The following STK32C variants were observed in gnomAD, a reference collection of about 807,000 sequenced individuals.
STK32C encodes serine/threonine-protein kinase 32C.
Under a neutral mutation model 56.5 loss-of-function variants are expected in STK32C, and 31 were observed. That is an observed-to-expected ratio of 0.55 (90% CI 0.41 to 0.74). The LOEUF is 0.74. Ranked by LOEUF, STK32C falls within the 30% of genes least tolerant of loss-of-function variation. The pLI, the probability that STK32C is intolerant of heterozygous loss-of-function variation, is 0.00. For synonymous variants in STK32C, 309 were observed against 289.4 expected (o/e 1.07, Z -0.69); for missense variants, 544 against 676.9 (o/e 0.80, Z 2.18).
intron 1 of STK32C, among the ~76,000 whole-genome samples, chr10:132,282,397 C>A (rs1216113115): frequency 6.6e-6 from 1 of 152,190 alleles, no homozygotes; most frequent in Non-Finnish European, 1.5e-5. Context: ...ATGAAGAGGG[C>A]AGTGCCAGGC....
intron 1 of STK32C, 123 bp from the exon 2 acceptor site, chr10:132,246,078 C>A: frequency 2.0e-6 from 2 of 977,286 alleles, no homozygotes; most frequent in South Asian, 1.4e-5. Context: ...AGAAGAGGGT[C>A]GCCGTGGGGC....
intron 2 of STK32C, among the ~76,000 whole-genome samples, chr10:132,230,989 C>T (rs754374209): frequency 3.3e-5 from 5 of 152,206 alleles, no homozygotes; most frequent in Admixed American, 1.3e-4. Context: ...GTCACATGTG[C>T]GGCGGACACA....
rs374412554 is a variant in STK32C at position 132,331,597 on chromosome 10, G to A, written c.140C>T (p.Pro47Leu). The stretch of plus-strand genomic sequence containing the variant: ...TCCAGGAAGCCCCAGGAGAGACGCG[G>A]GGAGTGAGCCCAGCGGGAAGGACAG... Residue 47 changes from proline to leucine, a missense_variant, in exon 1 of 2, where the codon CCC becomes CTC. Coordinates refer to the STK32C transcript ENST00000368619. 6.9e-5 allele frequency: 112 copies of A among 1,612,932 alleles called. 1 individual carries two copies. In the African/African-American group the frequency reaches 1.2e-3, roughly 17 times the overall value.
chr10:132,310,903 C>T (rs1052474188), upstream of STK32C, among the ~76,000 whole-genome samples: 3 of 152,072 alleles, frequency 2.0e-5, no homozygotes, highest in Non-Finnish European at 2.9e-5. The surrounding 1 kb of genome is among the most constrained non-coding windows in gnomAD (Gnocchi z 4.6). Context: ...GCCAGGTGTC[C>T]GGGTTCCAAC....
intron 1 of STK32C, among the ~76,000 whole-genome samples, chr10:132,317,165 A>G (rs558252711): frequency 4.6e-5 from 7 of 152,332 alleles, no homozygotes; most frequent in African/African-American, 1.7e-4. Flanking sequence ...TCCTTCCCAA[A>G]GAAAACTGAA....
chr10:132,283,147 G>A (rs1029009168), intron 1 of STK32C, among the ~76,000 whole-genome samples: 4 of 152,360 alleles, frequency 2.6e-5, no homozygotes, highest in South Asian at 2.1e-4. Context: ...AGACCCAGCC[G>A]GGAGGCCGGC....
Position 132,225,807 on chromosome 10 carries a change from A to G in STK32C, c.645-23T>C, listed in dbSNP as rs79967518. The G allele has an allele frequency of 4.8e-3, 7,736 of 1,613,962 alleles. 297 individuals carry two copies. The African/African-American group carries it at 0.086, about 18-fold the overall frequency. On this transcript the variant is annotated intron_variant, in intron 4 of 11. Transcript: ENST00000298630. ...TCTCTAGAAAGAGCAGAAAGTGGGAAGGTGAGTTGGGAATCTGCCCTGTTT... is the reference window on the plus strand; with the variant it reads ...TCTCTAGAAAGAGCAGAAAGTGGGAGGGTGAGTTGGGAATCTGCCCTGTTT...
At chr10:132,231,970 GCAGA>G (rs1441968168) in intron 2 of STK32C, among the ~76,000 whole-genome samples, 3 of 152,258 alleles carry the variant, frequency 2.0e-5, no homozygotes, top group African/African-American at 7.2e-5. Flanking sequence ...TCTGTTGTTT[GCAGA>G]CACTGAGCTA....
chr10:132,209,394 C>G (rs373491777), intron 10 of STK32C: 20 of 635,288 alleles, frequency 3.1e-5, no homozygotes, highest in African/African-American at 2.5e-4. Flanking sequence ...CTGTTCTCTG[C>G]GGGACTTTGC....
chr10:132,331,663 T>C (rs775905855), exon 1 of STK32C: 77 of 1,612,690 alleles, frequency 4.8e-5, no homozygotes, highest in Non-Finnish European at 6.2e-5. Context: ...CAGCAGCAAT[T>C]CTTTTCTGCT....
chr10:132,215,670 G>A (rs1242217504), intron 10 of STK32C, among the ~76,000 whole-genome samples: 1 of 152,176 alleles, frequency 6.6e-6, no homozygotes, highest in Admixed American at 6.5e-5. Context: ...TTAGCAGCGT[G>A]AGAACAGACT....
At chr10:132,321,820 T>C (rs1039174840), downstream of STK32C, among the ~76,000 whole-genome samples, 19 of 152,322 alleles carry the variant, frequency 1.2e-4, no homozygotes, top group Middle Eastern at 6.8e-3. Context: ...GTGTGACGTA[T>C]TTGTGCTTTC....
chr10:132,266,917 A>G (rs957431812), intron 1 of STK32C, among the ~76,000 whole-genome samples: 1 of 151,998 alleles, frequency 6.6e-6, no homozygotes, highest in African/African-American at 2.4e-5. Context: ...GACAATGGAC[A>G]CTGGGGGTGG....
intron 1 of STK32C, among the ~76,000 whole-genome samples, chr10:132,328,029 A>G (rs1333606059): frequency 2.0e-5 from 3 of 152,136 alleles, no homozygotes; most frequent in Non-Finnish European, 4.4e-5. Flanking sequence ...TGCCTCTGTA[A>G]CTGCCCTATG....
intron 1 of STK32C, among the ~76,000 whole-genome samples, chr10:132,246,405 G>A (rs907565996): frequency 2.0e-5 from 3 of 152,204 alleles, no homozygotes; most frequent in East Asian, 1.9e-4. Context: ...ACCCTGCTCC[G>A]CGTCTCCAGA....
At chr10:132,209,786 G>A (rs999181272) in intron 10 of STK32C, among the ~76,000 whole-genome samples, 6 of 152,188 alleles carry the variant, frequency 3.9e-5, no homozygotes, top group Admixed American at 6.5e-5. Context: ...CTACCAACGC[G>A]TGAGCAAATG....
At chr10:132,305,484 C>T (rs554077680) in intron 1 of STK32C, among the ~76,000 whole-genome samples, 9 of 152,262 alleles carry the variant, frequency 5.9e-5, no homozygotes, top group South Asian at 4.1e-4. Context: ...CCATAGCAAC[C>T]GTGCAGATTC....
At chr10:132,241,727 G>A (rs1281622483) in intron 2 of STK32C, among the ~76,000 whole-genome samples, 1 of 152,168 alleles carries the variant, frequency 6.6e-6, no homozygotes. Context: ...TCATTCAGGG[G>A]ACAGAGCGGG....
At position 132,265,126 on chromosome 10, in the gene STK32C, C is replaced by T. The variant is rs866025853; in HGVS notation, c.263-19171G>A. 3.0e-3 allele frequency among the ~76,000 whole-genome samples: 424 copies of T among 141,470 alleles called. 10 individuals are homozygous for T. The highest frequency in any genetic ancestry group is 0.011 in the African/African-American group (392 of 35,558). 92.8% of individuals were successfully genotyped at this position (141,470 alleles called of 152,430 possible). On this transcript the variant is annotated intron_variant, in intron 1 of 11. Coordinates refer to ENST00000298630, the MANE Select transcript of STK32C (RefSeq NM_173575.4). ...GCGGTGAGGTGGGCTCTGGGGGTGC[C>T]GCAAGGGCAGTGAGGTGGGCTCTGG...
Sources: allele counts gnomAD v4.1 joint callset (sites outside exome capture counted in the v4.1 genomes callset), GRCh38; gene constraint gnomAD v4.1.1; non-coding constraint Gnocchi (gnomAD v3.1); transcripts MANE v1.5; gene names NCBI Gene and HGNC (gene_info 2026-07-23, HGNC 2026-07-21).